The following DIS3L2 variants were observed in gnomAD, a reference collection of about 807,000 sequenced individuals.
DIS3L2 encodes DIS3-like exonuclease 2.
In DIS3L2, 34 loss-of-function variants were observed where a neutral mutation model predicts 97.5. The observed-to-expected ratio is 0.35, with a 90% CI of 0.27 to 0.46. The LOEUF is 0.46. DIS3L2 is among the 20% of genes least tolerant of loss of function. DIS3L2 has a pLI of 1.00. For synonymous variants in DIS3L2, 435 were observed against 445.2 expected (o/e 0.98, Z 0.29); for missense variants, 1,038 against 1,146.0 (o/e 0.91, Z 1.36).
chr2:232,135,941 G>A (rs188558899), intron 7 of DIS3L2, among the ~76,000 whole-genome samples: 180 of 152,298 alleles, frequency 1.2e-3, no homozygotes, highest in African/African-American at 4.1e-3. Flanking sequence ...ACATGTGTAT[G>A]TGGTGGAGTG....
chr2:232,251,219 G>A (rs1258406406), intron 12 of DIS3L2, among the ~76,000 whole-genome samples: 3 of 152,076 alleles, frequency 2.0e-5, no homozygotes, highest in Non-Finnish European at 4.4e-5. Flanking sequence ...ACAGGAAAAA[G>A]TAACTAGAAC....
intron 8 of DIS3L2, among the ~76,000 whole-genome samples, chr2:232,162,899 G>A (rs1299981962): frequency 6.6e-6 from 1 of 152,182 alleles, no homozygotes. Flanking sequence ...TAATGGGCCA[G>A]TGCCCTAAAA....
intron 6 of DIS3L2, among the ~76,000 whole-genome samples, chr2:232,094,537 G>A (rs560338889): frequency 2.0e-5 from 3 of 151,980 alleles, no homozygotes; most frequent in South Asian, 2.1e-4. Flanking sequence ...GGCCAACATA[G>A]CAAAACCACG....
At chr2:232,120,428 C>A (rs1212966114) in intron 6 of DIS3L2, among the ~76,000 whole-genome samples, 1 of 152,104 alleles carries the variant, frequency 6.6e-6, no homozygotes, top group African/African-American at 2.4e-5. Context: ...TCTCTAAAAC[C>A]AGCATGATAA....
chr2:232,293,572 G>A lies in DIS3L2; in HGVS notation c.1660-6468G>A, dbSNP rs780225569. On this transcript the variant is annotated intron_variant, in intron 13 of 20. Transcript: ENST00000325385. The surrounding 1 kb of genome is among the most constrained non-coding windows in gnomAD (Gnocchi z 4.6). ...TGAACCCCTCAGGGAAGTGGACCGC[G>A]TCGGGGAGTGCATGGAGCTCTGCAG... Among the ~76,000 whole-genome samples, 4 of 152,204 alleles carry A rather than the reference G, an allele frequency of 2.6e-5. No individual in the cohort carries two copies. Among genetic ancestry groups the A allele is most frequent in the East Asian group, 1.9e-4 (1 of 5,184 alleles).
At chr2:232,182,840 G>A (rs1007816224) in intron 9 of DIS3L2, among the ~76,000 whole-genome samples, 16 of 152,152 alleles carry the variant, frequency 1.1e-4, no homozygotes, top group African/African-American at 3.9e-4. Flanking sequence ...TAATGTGGCA[G>A]CTCTGGAAAT....
At chr2:231,966,185 T>TC (rs986218635) in intron 1 of DIS3L2, among the ~76,000 whole-genome samples, 8 of 150,450 alleles carry the variant, frequency 5.3e-5, no homozygotes, top group African/African-American at 2.0e-4. Context: ...TTTTTTTTTT[T>TC]TGAGACAGAG....
chr2:232,158,332 T>TGTGTGTGC (rs1690557235), intron 8 of DIS3L2, among the ~76,000 whole-genome samples: 1 of 151,974 alleles, frequency 6.6e-6, no homozygotes, highest in African/African-American at 2.4e-5. Flanking sequence ...TGTGTGTGTG[T>TGTGTGTGC]GTGCATGTGT....
chr2:232,309,646 G>A (rs1261571344), intron 14 of DIS3L2, among the ~76,000 whole-genome samples: 5 of 151,954 alleles, frequency 3.3e-5, no homozygotes, highest in African/African-American at 7.2e-5. Context: ...TCCCACCTGC[G>A]GCCCAGTTTT....
chr2:232,336,929 G>A lies in DIS3L2; in HGVS notation c.*299G>A, dbSNP rs1695977079. 1 of 1,221,452 alleles carries A rather than the reference G, an allele frequency of 8.2e-7. No individual in the cohort carries two copies. The highest frequency in any genetic ancestry group is 4.2e-5 in the Admixed American group (1 of 23,658). 75.7% of individuals were successfully genotyped at this position (1,221,452 alleles called of 1,614,324 possible). A position where few individuals can be genotyped will look rare whatever the true frequency, so the allele number is the denominator to read the frequency against. On this transcript the variant is annotated 3_prime_UTR_variant, in exon 21 of 21. Coordinates refer to ENST00000325385, the MANE Select transcript of DIS3L2 (RefSeq NM_152383.5). ...GCCCTCCTCTGCCCAGGAAATGGGG[G>A]GGTTTCAGCAACTCAGTGTCACAGA... is the stretch of plus-strand genomic sequence containing the variant.
chr2:231,962,171 G>A (rs970208190), intron 1 of DIS3L2, among the ~76,000 whole-genome samples: 2 of 152,190 alleles, frequency 1.3e-5, no homozygotes, highest in African/African-American at 4.8e-5. Flanking sequence ...GCAGGGATGG[G>A]GAGCCTCGGG....
At chr2:232,229,706 A>G (rs1692740849) in intron 10 of DIS3L2, among the ~76,000 whole-genome samples, 1 of 152,362 alleles carries the variant, frequency 6.6e-6, no homozygotes, top group South Asian at 2.1e-4. Flanking sequence ...TACATTGAAC[A>G]TGACAAAAAT....
chr2:232,147,984 C>T (rs1378105080), intron 8 of DIS3L2, among the ~76,000 whole-genome samples: 2 of 123,152 alleles, frequency 1.6e-5, no homozygotes, highest in East Asian at 5.6e-4. Context: ...CCCCTCCCCT[C>T]CGCTCCCCTC....
chr2:232,291,721 C>A (rs1166277231), intron 13 of DIS3L2, among the ~76,000 whole-genome samples: 1 of 152,260 alleles, frequency 6.6e-6, no homozygotes, highest in Non-Finnish European at 1.5e-5. Context: ...ATCCTAGGTT[C>A]CCCTGCTCAT....
intron 9 of DIS3L2, among the ~76,000 whole-genome samples, chr2:232,183,577 C>T (rs1441082629): frequency 6.6e-6 from 1 of 152,142 alleles, no homozygotes; most frequent in African/African-American, 2.4e-5. Context: ...TGAGTGTGAC[C>T]ATCTTTATCC....
chr2:232,190,734 C>G (rs550818339), intron 9 of DIS3L2, among the ~76,000 whole-genome samples: 1 of 151,920 alleles, frequency 6.6e-6, no homozygotes, highest in African/African-American at 2.4e-5. Context: ...TTACAGGCAC[C>G]AAAGTGAATG....
At chr2:232,134,192 T>C (rs557107242) in intron 7 of DIS3L2, among the ~76,000 whole-genome samples, 2 of 150,324 alleles carry the variant, frequency 1.3e-5, no homozygotes, top group East Asian at 2.0e-4. Context: ...CCTCAGGGAG[T>C]TGTGGGACAA....
At chr2:232,327,546 T>A (rs1430085712) in intron 14 of DIS3L2, among the ~76,000 whole-genome samples, 2 of 152,172 alleles carry the variant, frequency 1.3e-5, no homozygotes, top group African/African-American at 4.8e-5. Flanking sequence ...CTGACCAGTA[T>A]CAGATTATTT....
intron 6 of DIS3L2, among the ~76,000 whole-genome samples, chr2:232,104,289 AG>A (rs1005862482): frequency 1.3e-5 from 2 of 152,186 alleles, no homozygotes; most frequent in Non-Finnish European, 2.9e-5. Context: ...TCAGAGGACG[AG>A]GGCCTACCTG....
Sources: gnomAD v4.1 joint callset for allele counts (sites outside exome capture counted in the v4.1 genomes callset) on GRCh38, gnomAD v4.1.1 for gene constraint, Gnocchi (gnomAD v3.1) non-coding constraint, MANE v1.5 for transcripts, NCBI Gene and HGNC (gene_info 2026-07-23, HGNC 2026-07-21) for gene names.